The following UNC13C variants were observed in gnomAD, a reference collection of about 807,000 sequenced individuals.
UNC13C encodes the protein protein unc-13 homolog C.
A neutral mutation model predicts 245.4 loss-of-function variants in UNC13C; 174 were observed. The observed-to-expected ratio is 0.71, with a 90% confidence interval of 0.63 to 0.80. UNC13C has a LOEUF of 0.80. Ranked by LOEUF, UNC13C falls within the 30% of genes least tolerant of loss-of-function variation. The pLI is 0.00. For missense variants in UNC13C, 2,829 were observed against 2,602.9 expected (o/e 1.09, Z -1.89); for synonymous variants, 992 against 895.1 (o/e 1.11, Z -1.93).
At chr15:54,168,043 G>A (rs573244683) in intron 4 of UNC13C, among the ~76,000 whole-genome samples, 8 of 152,298 alleles carry the variant, frequency 5.3e-5, no homozygotes, top group African/African-American at 1.9e-4. Flanking sequence ...AAGTGGGATG[G>A]TTATACGAAT....
chr15:54,131,506 C>A (rs4774681), intron 2 of UNC13C, among the ~76,000 whole-genome samples: 55,856 of 152,048 alleles, frequency 0.37, 10,326 homozygotes, highest in Admixed American at 0.39. Flanking sequence ...TAAGTTGTAT[C>A]CCTTCTGAGA....
At chr15:54,196,381 C>T (rs144898962) in intron 4 of UNC13C, among the ~76,000 whole-genome samples, 3 of 151,610 alleles carry the variant, frequency 2.0e-5, no homozygotes, top group Admixed American at 1.3e-4. Flanking sequence ...AGAAATGAGA[C>T]TTTATAGTAG....
At chr15:54,267,076 C>T (rs923539376) in intron 10 of UNC13C, among the ~76,000 whole-genome samples, 20 of 151,536 alleles carry the variant, frequency 1.3e-4, no homozygotes, top group African/African-American at 4.1e-4. Flanking sequence ...GGTTTGTTTC[C>T]AGTTTTTGGT....
intron 19 of UNC13C, among the ~76,000 whole-genome samples, chr15:54,468,750 T>G (rs1008918777): frequency 1.3e-5 from 2 of 151,824 alleles, no homozygotes. Context: ...AAAAATAAAT[T>G]GACTATAAAT....
chr15:54,610,435 G>C (rs1015558331), intron 30 of UNC13C, among the ~76,000 whole-genome samples: 1 of 151,930 alleles, frequency 6.6e-6, no homozygotes, highest in African/African-American at 2.4e-5. Context: ...AGGGTTTCAC[G>C]ATGTTGTCCA....
chr15:54,372,577 T>A (rs2140885232), intron 17 of UNC13C, among the ~76,000 whole-genome samples: 1 of 152,350 alleles, frequency 6.6e-6, no homozygotes, highest in Admixed American at 6.5e-5. Flanking sequence ...TTATATACTT[T>A]ATTATCTAAT....
chr15:54,465,682 G>A (rs899406907), intron 19 of UNC13C, among the ~76,000 whole-genome samples: 1 of 151,994 alleles, frequency 6.6e-6, no homozygotes, highest in South Asian at 2.1e-4. Context: ...TATGATTCCA[G>A]AAAGATGGTC....
At chr15:53,905,544 T>C in the UNC13C span, among the ~76,000 whole-genome samples, 6 of 152,188 alleles carry the variant, frequency 3.9e-5, no homozygotes, top group South Asian at 1.2e-3. Context: ...CTGCATGGTC[T>C]CATTCATATG....
At chr15:54,587,451 A>G (rs1189114427) in intron 30 of UNC13C, among the ~76,000 whole-genome samples, 2 of 152,238 alleles carry the variant, frequency 1.3e-5, no homozygotes, top group African/African-American at 4.8e-5. Context: ...CTCACTCAAA[A>G]TAACTCAAAG....
At position 54,009,194 on chromosome 15, in the gene UNC13C, A is replaced by T. The variant is rs111347171; in HGVS notation, c.-256-3454A>T. On this transcript the variant is annotated intron_variant, in intron 1 of 32. Transcript: ENST00000260323. ...GAAATTGTTGCTGGATCATAGAGAT[A>T]AAAGGTATCTTCCCTTTCACTTCTG... is the stretch of plus-strand genomic sequence containing the variant. Among the ~76,000 whole-genome samples, 992 of 152,306 alleles carry T rather than the reference A, an allele frequency of 6.5e-3. 43 individuals are homozygous for T. The South Asian group carries it at 0.13, about 19-fold the overall frequency.
At chr15:54,208,191 C>T (rs904982988) in intron 4 of UNC13C, among the ~76,000 whole-genome samples, 1 of 151,982 alleles carries the variant, frequency 6.6e-6, no homozygotes, top group Non-Finnish European at 1.5e-5. Context: ...ACAACCAGCT[C>T]ACATGAACTC....
At position 54,544,244 on chromosome 15, in the gene UNC13C, G is replaced by A. The variant is rs182072675; in HGVS notation, c.5697-2478G>A. ...AAAAGGCCTTTGATAAAATTCAACA[G>A]CCCTTGATGCTAAAAAAACTCTCAA... On this transcript the variant is annotated intron_variant, in intron 26 of 32. Transcript: ENST00000260323. Among the ~76,000 whole-genome samples the A allele has an allele frequency of 3.9e-5, 6 of 152,032 alleles. No individual in the cohort carries two copies. In the East Asian group the frequency reaches 7.8e-4, roughly 20 times the overall value.
intron 16 of UNC13C, among the ~76,000 whole-genome samples, chr15:54,337,807 G>A (rs962052580): frequency 2.6e-5 from 4 of 151,886 alleles, no homozygotes; most frequent in African/African-American, 9.7e-5. Context: ...TTCCCACCTC[G>A]CTAAAAGCTA....
rs147841655 is a variant in UNC13C, at chr15:54,494,506, A to G, written c.4934-102A>G. On this transcript the variant is annotated intron_variant, in intron 19 of 32. Coordinates refer to ENST00000260323, the MANE Select transcript of UNC13C (RefSeq NM_001080534.3). ...ATTATACCTTTACATCTAATATACT[A>G]TTTTCTTCCTTTTAGAAATTCTATT... 2.5e-4 allele frequency: 290 copies of G among 1,180,848 alleles called. No homozygotes were observed. The African/African-American group carries it at 4.1e-3, about 17-fold the overall frequency. 73.1% of individuals were successfully genotyped at this position (1,180,848 alleles called of 1,614,324 possible). A position where few individuals can be genotyped will look rare whatever the true frequency, so the allele number is the denominator to read the frequency against.
the UNC13C span, among the ~76,000 whole-genome samples, chr15:53,936,539 T>A: frequency 6.6e-6 from 1 of 152,192 alleles, no homozygotes; most frequent in East Asian, 1.9e-4. Context: ...GACTACTTCT[T>A]TAAGTGAGAC....
intron 10 of UNC13C, among the ~76,000 whole-genome samples, chr15:54,286,375 C>T (rs1226282327): frequency 6.6e-6 from 1 of 152,092 alleles, no homozygotes; most frequent in East Asian, 1.9e-4. Context: ...ATTTTAGTTG[C>T]TTCATTAGAT....
At chr15:54,534,332 C>A (rs949337039) in intron 26 of UNC13C, among the ~76,000 whole-genome samples, 1 of 152,174 alleles carries the variant, frequency 6.6e-6, no homozygotes, top group African/African-American at 2.4e-5. Flanking sequence ...CTGAAATCTT[C>A]CAGAAATGAA....
intron 4 of UNC13C, among the ~76,000 whole-genome samples, chr15:54,195,639 C>G (rs922484763): frequency 6.6e-6 from 1 of 152,078 alleles, no homozygotes; most frequent in South Asian, 2.1e-4. Context: ...TTGAGGATCC[C>G]CTAATACTTG....
At chr15:53,988,458 C>G (rs1419044781) in intron 1 of UNC13C, among the ~76,000 whole-genome samples, 1 of 151,652 alleles carries the variant, frequency 6.6e-6, no homozygotes, top group Admixed American at 6.6e-5. Context: ...TTTAAGAAGC[C>G]TTTGGGTACT....
Sources: allele counts gnomAD v4.1 joint callset (sites outside exome capture counted in the v4.1 genomes callset), GRCh38; gene constraint gnomAD v4.1.1; transcripts MANE v1.5; gene names NCBI Gene and HGNC (gene_info 2026-07-23, HGNC 2026-07-21).